The following KLF17 variants were observed in gnomAD, a reference collection of about 807,000 sequenced individuals.
KLF17 encodes Krueppel-like factor 17.
KLF17 carries 31 observed loss-of-function variants against 34.2 expected under a neutral mutation model. The ratio of observed to expected loss-of-function variants is 0.91; its 90% CI spans 0.68 to 1.22. The LOEUF (loss-of-function observed/expected upper bound fraction) is 1.22. KLF17 is among the 50% of genes most tolerant of loss of function. The pLI, the probability that KLF17 is intolerant of heterozygous loss-of-function variation, is 0.00. For missense variants in KLF17, 478 were observed against 505.2 expected (o/e 0.95, Z 0.52); for synonymous variants, 179 against 186.7 (o/e 0.96, Z 0.34).
the KLF17 span, among the ~76,000 whole-genome samples, chr1:44,056,086 C>T: frequency 4.6e-5 from 7 of 152,192 alleles, no homozygotes; most frequent in Non-Finnish European, 1.0e-4. Context: ...CTCAGCTTAC[C>T]TGGACAGTCC....
the KLF17 span, among the ~76,000 whole-genome samples, chr1:44,063,302 G>A: frequency 6.6e-6 from 1 of 152,180 alleles, no homozygotes. Flanking sequence ...CTCTTGATCT[G>A]GGTTGTGAGT....
the KLF17 span, among the ~76,000 whole-genome samples, chr1:44,089,557 C>T: frequency 6.6e-6 from 1 of 152,164 alleles, no homozygotes; most frequent in African/African-American, 2.4e-5. Context: ...CTGCCTAATG[C>T]ACTCCCTGCA....
chr1:44,104,384 C>T, the KLF17 span: 1 of 1,000,120 alleles, frequency 1.0e-6, no homozygotes, highest in South Asian at 1.3e-5. Context: ...TCCCAGCCGT[C>T]TGCTGCTGCT....
the KLF17 span, among the ~76,000 whole-genome samples, chr1:44,054,140 A>C: frequency 4.1e-3 from 626 of 152,350 alleles, 6 homozygotes; most frequent in African/African-American, 0.015. Flanking sequence ...ATGCTAATGC[A>C]GACCCAGACT....
At chr1:44,119,513 A>T (rs917131050) in intron 1 of KLF17, among the ~76,000 whole-genome samples, 1 of 152,184 alleles carries the variant, frequency 6.6e-6, no homozygotes, top group African/African-American at 2.4e-5. Flanking sequence ...GATATATATA[A>T]AATTGTATGA....
the KLF17 span, among the ~76,000 whole-genome samples, chr1:44,081,646 C>A: frequency 6.6e-6 from 1 of 151,968 alleles, no homozygotes; most frequent in African/African-American, 2.4e-5. Context: ...GTCTTGAACT[C>A]GTGACCTCAA....
At chr1:44,100,046 G>A in the KLF17 span, among the ~76,000 whole-genome samples, 6 of 149,812 alleles carry the variant, frequency 4.0e-5, no homozygotes, top group African/African-American at 1.5e-4. Context: ...GACCAGCCTG[G>A]CCAACATGGT....
the KLF17 span, among the ~76,000 whole-genome samples, chr1:44,090,858 G>A: frequency 2.3e-4 from 35 of 151,896 alleles, no homozygotes; most frequent in East Asian, 6.2e-3. Flanking sequence ...AGAGGAAAAT[G>A]TAGGGCATGT....
rs1214483269 is a variant in KLF17, at chr1:44,130,583, CAT to C, written c.1000_1001del (p.Met334AlafsTer10). ...SFFRSDELRR[H>X]MRVHTRYRPY... ...CTTCCGTTCTGATGAGCTTAGACGA[CAT>C]ATGCGGGTACACACCAGATATCGAC... is the stretch of plus-strand genomic sequence containing the variant. On this transcript the variant is annotated frameshift_variant, in exon 3 of 4. Transcript: ENST00000372299. LOFTEE classifies it high-confidence loss of function. 6.2e-7 allele frequency: 1 copy of C among 1,614,018 alleles called. No individual in the cohort carries two copies. The highest frequency in any genetic ancestry group is 2.2e-5 in the East Asian group (1 of 44,884).
intron 1 of KLF17, among the ~76,000 whole-genome samples, chr1:44,123,215 T>C (rs531246300): frequency 1.1e-4 from 16 of 152,170 alleles, no homozygotes; most frequent in Admixed American, 2.6e-4. Flanking sequence ...CTTGCCACTA[T>C]ACCTGGCAAT....
At chr1:44,069,469 CGAGAGAGAGAGAGAGA>C in the KLF17 span, among the ~76,000 whole-genome samples, 27 of 127,080 alleles carry the variant, frequency 2.1e-4, no homozygotes, top group South Asian at 5.8e-4. This position sits in a 1 kb window ranked among gnomAD's most constrained non-coding sequence, Gnocchi z 4.7. Flanking sequence ...TGTTACATGG[CGAGAGAGAGAGAGAGA>C]GAGAGAGAGA....
chr1:44,129,924 A>G lies in KLF17; in HGVS notation c.653A>G (p.His218Arg), dbSNP rs1437980822. ...CAGATGTTGCCCCCGCAAGATGCCC[A>G]TGACCTTGGGATGCCCCCAGCTGAG... ...MAQMLPPQDA[H>R]DLGMPPAESQ... is the part of the protein sequence containing the mutation. Residue 218 changes from histidine to arginine, a missense_variant, in exon 2 of 4, where the codon CAT (histidine) becomes CGT (arginine). Coordinates refer to ENST00000372299, the MANE Select transcript of KLF17 (RefSeq NM_173484.4). The G allele has an allele frequency of 1.1e-5, 18 of 1,614,160 alleles. No homozygotes were observed. The highest frequency in any genetic ancestry group is 1.4e-5 in the Non-Finnish European group (17 of 1,180,030).
At chr1:44,132,097 GAGT>G (rs2088117421) in intron 3 of KLF17, among the ~76,000 whole-genome samples, 2 of 152,056 alleles carry the variant, frequency 1.3e-5, no homozygotes, top group Non-Finnish European at 2.9e-5. Flanking sequence ...ACAAGGTCAG[GAGT>G]CTTGAGACTA....
the KLF17 span, among the ~76,000 whole-genome samples, chr1:44,066,389 C>CTT: frequency 0.011 from 1,447 of 128,046 alleles, 35 homozygotes; most frequent in African/African-American, 0.041. Context: ...TAATACTTTC[C>CTT]TTTTTTTTTT....
the KLF17 span, among the ~76,000 whole-genome samples, chr1:44,080,412 A>G: frequency 0.012 from 1,825 of 147,580 alleles, 13 homozygotes; most frequent in African/African-American, 0.017. Context: ...CTAATTTTTT[A>G]TATTTTTAGT....
At chr1:44,069,384 C>A in the KLF17 span, among the ~76,000 whole-genome samples, 1 of 151,806 alleles carries the variant, frequency 6.6e-6, no homozygotes, top group African/African-American at 2.4e-5. This position sits in a 1 kb window ranked among gnomAD's most constrained non-coding sequence, Gnocchi z 4.7. Flanking sequence ...GTTCTGCAGG[C>A]TGTCAGGAAG....
At position 44,127,812 on chromosome 1, in the gene KLF17, T is replaced by C. The variant is rs149508100; in HGVS notation, c.82-1541T>C. ...TCTTTCTTTTCTTATCTTTTCTTTC[T>C]TGTGTTTGATTGTTGTTACGTTTTC... On this transcript the variant is annotated intron_variant, in intron 1 of 3. Transcript: ENST00000372299. 2.7e-3 allele frequency among the ~76,000 whole-genome samples: 401 copies of C among 150,898 alleles called. 1 individual carries two copies. Among genetic ancestry groups the C allele is most frequent in the African/African-American group, 9.4e-3 (387 of 41,026 alleles).
the KLF17 span, chr1:44,103,468 G>A: frequency 2.3e-6 from 2 of 870,576 alleles, no homozygotes; most frequent in Non-Finnish European, 1.9e-6. Flanking sequence ...CCGTAGCTGA[G>A]GCCGGGGCTC....
At chr1:44,113,632 G>T in the KLF17 span, among the ~76,000 whole-genome samples, 1 of 152,214 alleles carries the variant, frequency 6.6e-6, no homozygotes, top group African/African-American at 2.4e-5. Context: ...GAGTCATTCT[G>T]CAGCATATGG....
Sources: gnomAD v4.1 joint callset for allele counts (sites outside exome capture counted in the v4.1 genomes callset) on GRCh38, gnomAD v4.1.1 for gene constraint, Gnocchi (gnomAD v3.1) non-coding constraint, MANE v1.5 for transcripts, NCBI Gene and HGNC (gene_info 2026-07-23, HGNC 2026-07-21) for gene names.